The following MEF2A variants were observed in gnomAD, a reference collection of about 807,000 sequenced individuals.
MEF2A encodes myocyte enhancer factor 2A.
A neutral mutation model predicts 55.8 loss-of-function variants in MEF2A; 28 were observed. The observed-to-expected ratio is 0.50, with a 90% confidence interval of 0.37 to 0.69. MEF2A has a LOEUF of 0.69. MEF2A is among the 30% of genes least tolerant of loss of function. The pLI is 0.00. For missense variants in MEF2A, 528 were observed against 626.2 expected (o/e 0.84, Z 1.67); for synonymous variants, 239 against 227.1 (o/e 1.05, Z -0.47).
chr15:99,678,357 T>A (rs2052530280), intron 7 of MEF2A, among the ~76,000 whole-genome samples: 1 of 152,214 alleles, frequency 6.6e-6, no homozygotes, highest in Non-Finnish European at 1.5e-5. Flanking sequence ...CTGTGTTGTG[T>A]ACTGGAAAGG....
chr15:99,570,012 G>A lies in MEF2A; in HGVS notation c.-225+3908G>A, dbSNP rs1961459760. Among the ~76,000 whole-genome samples the A allele has an allele frequency of 2.0e-5, 3 of 151,548 alleles. No homozygotes were observed. In the South Asian group the frequency reaches 6.2e-4, roughly 32 times the overall value. On this transcript the variant is annotated intron_variant, in intron 1 of 11. Coordinates refer to ENST00000557942, the MANE Select transcript of MEF2A (RefSeq NM_001319206.4). ...ATAAGTACTAAATTTTTATATAGAT[G>A]CTTTATACTTTAATAATATTTATAT... is the stretch of plus-strand genomic sequence containing the variant.
intron 2 of MEF2A, among the ~76,000 whole-genome samples, chr15:99,600,543 A>G (rs913450888): frequency 6.6e-6 from 1 of 152,180 alleles, no homozygotes; most frequent in African/African-American, 2.4e-5. Flanking sequence ...TTGGACTACT[A>G]CATTGAGGTC....
intron 2 of MEF2A, among the ~76,000 whole-genome samples, chr15:99,623,075 A>G (rs1475833964): frequency 6.6e-6 from 1 of 151,888 alleles, no homozygotes; most frequent in Non-Finnish European, 1.5e-5. Context: ...CCTCCCTGCA[A>G]CCCCTAGCAA....
chr15:99,690,384 C>G lies in MEF2A; in HGVS notation c.814C>G (p.Arg272Gly). Residue 272 changes from arginine (R) to glycine (G), a missense_variant, in exon 8 of 12, where the codon CGA becomes GGA. Coordinates refer to ENST00000557942, the MANE Select transcript of MEF2A (RefSeq NM_001319206.4). ...LGMNSRKPDL[R>G]VVIPPSSKGM... ...AATGAACAGTAGGAAACCAGATCTTCGAGTTGTCATCCCCCCTTCAAGCAA... is the reference window on the plus strand; with the variant it reads ...AATGAACAGTAGGAAACCAGATCTTGGAGTTGTCATCCCCCCTTCAAGCAA... 1 of 1,608,502 alleles carries G rather than the reference C, an allele frequency of 6.2e-7. No homozygotes were observed. Among genetic ancestry groups the G allele is most frequent in the Admixed American group, 1.7e-5 (1 of 59,610 alleles).
At chr15:99,672,185 G>C (rs555143627) in intron 5 of MEF2A, among the ~76,000 whole-genome samples, 1 of 152,292 alleles carries the variant, frequency 6.6e-6, no homozygotes, top group South Asian at 2.1e-4. Flanking sequence ...TAAGCTTACT[G>C]CTTTGCAGTT....
intron 1 of MEF2A, among the ~76,000 whole-genome samples, chr15:99,586,854 G>A (rs201831913): frequency 6.6e-6 from 1 of 152,132 alleles, no homozygotes; most frequent in Non-Finnish European, 1.5e-5. Context: ...ATGAGGTAAT[G>A]TCAAGGTTCA....
At chr15:99,582,396 T>C (rs377248017) in intron 1 of MEF2A, among the ~76,000 whole-genome samples, 27 of 152,246 alleles carry the variant, frequency 1.8e-4, no homozygotes, top group African/African-American at 6.5e-4. Context: ...CAGGCCAGAC[T>C]GTGCTGTCCT....
chr15:99,617,082 CTCT>C (rs1010774860), intron 2 of MEF2A, among the ~76,000 whole-genome samples: 4 of 152,178 alleles, frequency 2.6e-5, no homozygotes, highest in Non-Finnish European at 5.9e-5. Context: ...GAATTGCTTG[CTCT>C]TCTTTGAATG....
At chr15:99,585,349 GTA>G (rs1596294810) in intron 1 of MEF2A, among the ~76,000 whole-genome samples, 6 of 152,068 alleles carry the variant, frequency 3.9e-5, no homozygotes, top group East Asian at 1.9e-4. Context: ...TCGTGAGTGT[GTA>G]TAATCACTTT....
At chr15:99,617,569 G>A (rs141313798) in intron 2 of MEF2A, among the ~76,000 whole-genome samples, 2 of 152,110 alleles carry the variant, frequency 1.3e-5, no homozygotes, top group African/African-American at 4.8e-5. Flanking sequence ...TATGTATCAG[G>A]ATACTTTCTG....
At chr15:99,685,820 T>C (rs374086817) in intron 7 of MEF2A, among the ~76,000 whole-genome samples, 1 of 152,186 alleles carries the variant, frequency 6.6e-6, no homozygotes, top group African/African-American at 2.4e-5. Flanking sequence ...TGATACTGGC[T>C]TCATAGAATG....
chr15:99,623,487 A>G (rs951228989), intron 2 of MEF2A, among the ~76,000 whole-genome samples: 20 of 152,232 alleles, frequency 1.3e-4, no homozygotes, highest in Admixed American at 2.6e-4. Flanking sequence ...ACTGTTTTCC[A>G]TAGCAGCTGT....
At chr15:99,672,366 C>G (rs574208468) in intron 5 of MEF2A, among the ~76,000 whole-genome samples, 1 of 152,348 alleles carries the variant, frequency 6.6e-6, no homozygotes, top group South Asian at 2.1e-4. Context: ...ACTCATTCAT[C>G]TAACCATAGT....
At chr15:99,690,524 A>T in intron 8 of MEF2A, 96 bp downstream of exon 8, 2 of 882,918 alleles carry the variant, frequency 2.3e-6, no homozygotes, top group Non-Finnish European at 3.5e-6. Flanking sequence ...GCCACCGTAG[A>T]ATCTACACCT....
At chr15:99,639,444 T>C (rs1220061190) in intron 3 of MEF2A, among the ~76,000 whole-genome samples, 1 of 152,234 alleles carries the variant, frequency 6.6e-6, no homozygotes, top group African/African-American at 2.4e-5. Flanking sequence ...ACAGCTAGTT[T>C]TAGGAATAAA....
chr15:99,569,424 T>C (rs1260455132), intron 1 of MEF2A, among the ~76,000 whole-genome samples: 1 of 152,250 alleles, frequency 6.6e-6, no homozygotes, highest in Non-Finnish European at 1.5e-5. Flanking sequence ...TAGAGAATGC[T>C]TAATGTGTTT....
chr15:99,711,654 C>T (rs2058653650), intron 11 of MEF2A, among the ~76,000 whole-genome samples: 2 of 152,214 alleles, frequency 1.3e-5, no homozygotes, highest in Non-Finnish European at 2.9e-5. Context: ...CCCAGAGAGC[C>T]TGAGCTCAGC....
At position 99,662,021 on chromosome 15, in the gene MEF2A, G is replaced by A. The variant is rs141697467; in HGVS notation, c.259-9302G>A. ...CAGTGTTAATGCTGAATAGTGTACT[G>A]TGTGTGGTTCCATTTACATATCATT... On this transcript the variant is annotated intron_variant, in intron 4 of 11. Coordinates refer to ENST00000557942, the MANE Select transcript of MEF2A (RefSeq NM_001319206.4). Among the ~76,000 whole-genome samples the A allele has an allele frequency of 5.7e-3, 875 of 152,238 alleles. 13 individuals carry two copies. In the East Asian group the frequency reaches 0.062, roughly 11 times the overall value.
chr15:99,592,714 A>C (rs1969754524), intron 1 of MEF2A, among the ~76,000 whole-genome samples: 1 of 152,092 alleles, frequency 6.6e-6, no homozygotes, highest in Non-Finnish European at 1.5e-5. Context: ...GGGAGGTACT[A>C]CACTCTTGAA....
Sources: gnomAD v4.1 joint callset for allele counts (sites outside exome capture counted in the v4.1 genomes callset) on GRCh38, gnomAD v4.1.1 for gene constraint, MANE v1.5 for transcripts, NCBI Gene and HGNC (gene_info 2026-07-23, HGNC 2026-07-21) for gene names.